NDRG1: variants seen among roughly 807,000 people sequenced by gnomAD.
NDRG1 encodes the protein N-myc downstream regulated 1.
NDRG1 carries 32 observed loss-of-function variants against 56.9 expected under a neutral mutation model. That is an observed-to-expected ratio of 0.56 (90% confidence interval 0.42 to 0.76). The LOEUF (loss-of-function observed/expected upper bound fraction) is 0.76. Ranked by LOEUF, NDRG1 falls within the 30% of genes least tolerant of loss-of-function variation. NDRG1 has a pLI of 0.00. For missense variants in NDRG1, 507 were observed against 545.7 expected (o/e 0.93, Z 0.71); for synonymous variants, 211 against 204.1 (o/e 1.03, Z -0.29).
chr8:133,254,439 T>C, intron 9 of NDRG1, 100 bp downstream of exon 9: 1 of 1,246,122 alleles, frequency 8.0e-7, no homozygotes, highest in South Asian at 1.3e-5. Flanking sequence ...CCCAGTTGAT[T>C]GTGTCTTGTT....
At chr8:133,268,234 C>T (rs984091008) in intron 3 of NDRG1, among the ~76,000 whole-genome samples, 2 of 152,156 alleles carry the variant, frequency 1.3e-5, no homozygotes, top group Admixed American at 6.5e-5. Flanking sequence ...GGAACTTTCT[C>T]TCCTAAGGGC....
rs1586452245 is a variant in NDRG1, at chr8:133,264,774, A to G, written c.100-122T>C. 9 of 832,530 alleles carry G rather than the reference A, an allele frequency of 1.1e-5. No individual in the cohort carries two copies. The East Asian group carries it at 2.3e-4, about 22-fold the overall frequency. 51.6% of individuals were successfully genotyped at this position (832,530 alleles called of 1,614,324 possible). A position where few individuals can be genotyped will look rare whatever the true frequency, so the allele number is the denominator to read the frequency against. On this transcript the variant is annotated intron_variant, in intron 3 of 15. Coordinates refer to ENST00000323851, the MANE Select transcript of NDRG1 (RefSeq NM_006096.4). ...AGCTCTCTTCTCATCTGGCCATAAG[A>G]GCCCCGGCTTCGGGCAGCAGCTCTC...
intron 4 of NDRG1, 177 bp from the exon 5 acceptor site, chr8:133,262,344 C>T (rs1013658844): frequency 2.0e-5 from 14 of 697,626 alleles, no homozygotes; most frequent in Non-Finnish European, 3.1e-5. Flanking sequence ...TGCCCACTTT[C>T]CTCTGCTGAT....
At position 133,244,582 on chromosome 8, in the gene NDRG1, G is replaced by A. The variant is rs892909967; in HGVS notation, c.856-192C>T. On this transcript the variant is annotated intron_variant, in intron 13 of 15. Transcript: ENST00000323851. The stretch of plus-strand genomic sequence containing the variant: ...ACCAGGCAAGGCTGCTGGTGTCTCC[G>A]TGGCAACCATCACTTGCAGCTTGCT... 28 of 670,336 alleles carry A rather than the reference G, an allele frequency of 4.2e-5. 2 individuals are homozygous for A. The highest frequency in any genetic ancestry group is 3.3e-4 in the South Asian group (20 of 60,110). The allele number at this position is 670,336 out of a possible 1,614,324, so 41.5% of individuals were successfully genotyped here.
intron 1 of NDRG1, among the ~76,000 whole-genome samples, chr8:133,295,396 A>G (rs1858688827): frequency 1.3e-5 from 2 of 152,214 alleles, no homozygotes; most frequent in African/African-American, 2.4e-5. Context: ...GGGAACACCC[A>G]GTTTTCCATC....
At position 133,259,161 on chromosome 8, in the gene NDRG1, C is replaced by T. The variant is rs1461384796; in HGVS notation, c.389+7G>A. ...AGACAGAGAAGGAGCTGATCCTTCGCTCTTACCCAAACTGTTGAAGGACTC... is the reference window on the plus strand; with the variant it reads ...AGACAGAGAAGGAGCTGATCCTTCGTTCTTACCCAAACTGTTGAAGGACTC... On this transcript the variant is annotated splice_region_variant and intron_variant, in intron 6 of 15. Coordinates refer to ENST00000323851, the MANE Select transcript of NDRG1 (RefSeq NM_006096.4). The T allele has an allele frequency of 2.5e-6, 4 of 1,613,950 alleles. No individual in the cohort carries two copies. Among genetic ancestry groups the T allele is most frequent in the East Asian group, 4.5e-5 (2 of 44,876 alleles).
At chr8:133,251,498 G>A (rs776578797) in intron 9 of NDRG1, among the ~76,000 whole-genome samples, 4 of 152,194 alleles carry the variant, frequency 2.6e-5, no homozygotes, top group South Asian at 2.1e-4. Context: ...CACCATGGCC[G>A]GACCAACCAG....
In NDRG1 at chr8:133,238,870, C is replaced by T; in HGVS notation, c.*8G>A. On this transcript the variant is annotated 3_prime_UTR_variant, in exon 16 of 16. Transcript: ENST00000323851. ...TCAGAGTCCGGGGGCGGCAGCTGGG[C>T]AGGCCGCCTAGCAGGAGACCTCCAT... 1.3e-6 allele frequency: 2 copies of T among 1,550,042 alleles called. No homozygotes were observed. Among genetic ancestry groups the T allele is most frequent in the Non-Finnish European group, 1.7e-6 (2 of 1,148,908 alleles).
chr8:133,250,633 C>A (rs1855965186), intron 9 of NDRG1, 90 bp from the exon 10 acceptor site: 3 of 1,107,748 alleles, frequency 2.7e-6, no homozygotes, highest in Non-Finnish European at 4.1e-6. Flanking sequence ...TATTTGGAGA[C>A]AAAGTAAAGA....
chr8:133,260,491 C>T (rs972784982), intron 5 of NDRG1, among the ~76,000 whole-genome samples: 13 of 152,168 alleles, frequency 8.5e-5, no homozygotes, highest in Non-Finnish European at 1.0e-4. Flanking sequence ...CCCAGACCAA[C>T]GGAATAAAAA....
At chr8:133,248,269 T>C (rs2130690681) in intron 11 of NDRG1, among the ~76,000 whole-genome samples, 1 of 152,280 alleles carries the variant, frequency 6.6e-6, no homozygotes, top group African/African-American at 2.4e-5. Context: ...TTCCCAAGTG[T>C]CACACAACGC....
Position 133,271,162 on chromosome 8 carries a change from G to A in NDRG1, c.100-6510C>T, listed in dbSNP as rs118124288. ...TCCCAGCAGGCCCTGGGCAGATGCC[G>A]ACCGTTCTAGGCTCTAAGAGGATCA... On this transcript the variant is annotated intron_variant, in intron 3 of 15. Coordinates refer to ENST00000323851, the MANE Select transcript of NDRG1 (RefSeq NM_006096.4). 9.5e-4 allele frequency among the ~76,000 whole-genome samples: 144 copies of A among 152,250 alleles called. 3 individuals carry two copies. The East Asian group carries it at 0.023, about 24-fold the overall frequency.
At chr8:133,241,527 G>A in intron 15 of NDRG1, 2 of 200,462 alleles carry the variant, frequency 1.0e-5, no homozygotes, top group South Asian at 1.8e-4. Flanking sequence ...TCCGCCCTCT[G>A]CTCCCTGCTT....
At chr8:133,283,590 T>A (rs767362281) in intron 2 of NDRG1, among the ~76,000 whole-genome samples, 16 of 152,248 alleles carry the variant, frequency 1.1e-4, no homozygotes, top group Non-Finnish European at 1.8e-4. Flanking sequence ...AGTGAAAAAG[T>A]GACTATGCAT....
Position 133,243,695 on chromosome 8 carries a change from G to C in NDRG1, c.891+660C>G, listed in dbSNP as rs143498202. Among the ~76,000 whole-genome samples, 708 of 152,224 alleles carry C rather than the reference G, an allele frequency of 4.7e-3. 1 individual carries two copies. The highest frequency in any genetic ancestry group is 0.017 in the African/African-American group (687 of 41,516). ...AAAGAAAAAAAGGAGGAAGAAAGGA[G>C]GCAGGGCAGGTTTTGGATAAAAAAG... On this transcript the variant is annotated intron_variant, in intron 14 of 15. Coordinates refer to ENST00000323851, the MANE Select transcript of NDRG1 (RefSeq NM_006096.4).
At chr8:133,244,895 T>C (rs1057096310) in intron 13 of NDRG1, among the ~76,000 whole-genome samples, 1 of 152,184 alleles carries the variant, frequency 6.6e-6, no homozygotes, top group Non-Finnish European at 1.5e-5. Flanking sequence ...TCAAAGTCCC[T>C]GTGAAATCAC....
intron 3 of NDRG1, among the ~76,000 whole-genome samples, chr8:133,274,761 G>T (rs1175685004): frequency 6.6e-6 from 1 of 152,138 alleles, no homozygotes; most frequent in Non-Finnish European, 1.5e-5. Context: ...CAGGAACAGG[G>T]CTATACTCAA....
intron 10 of NDRG1, 142 bp from the exon 11 acceptor site, chr8:133,248,913 G>A (rs1855853534): frequency 9.4e-6 from 8 of 850,806 alleles, no homozygotes; most frequent in Non-Finnish European, 1.5e-5. Flanking sequence ...AGGCCCTGTG[G>A]CTTTCAGGAC....
chr8:133,284,325 C>T lies in NDRG1; in HGVS notation c.-14G>A. ...CTCCCGAGACATGTCCCTGCTGTCA[C>T]CTGCCTGCAAGGAGACAAAGGCCAA... On this transcript the variant is annotated 5_prime_UTR_variant, in exon 2 of 16. It adds an upstream start codon to the 5' untranslated region. Coordinates refer to ENST00000323851, the MANE Select transcript of NDRG1 (RefSeq NM_006096.4). 1 of 1,614,086 alleles carries T rather than the reference C, an allele frequency of 6.2e-7. No homozygotes were observed. Among genetic ancestry groups the T allele is most frequent in the South Asian group, 1.1e-5 (1 of 91,080 alleles).
Sources: allele counts gnomAD v4.1 joint callset (sites outside exome capture counted in the v4.1 genomes callset), GRCh38; gene constraint gnomAD v4.1.1; transcripts MANE v1.5; gene names NCBI Gene and HGNC (gene_info 2026-07-23, HGNC 2026-07-21).